Variants in ERAP2 observed in about 807,000 individuals in gnomAD.
The protein encoded by ERAP2 is leukocyte-derived arginine aminopeptidase.
A neutral mutation model predicts 111.1 loss-of-function variants in ERAP2; 118 were observed. That is an observed-to-expected ratio of 1.06 (90% CI 0.92 to 1.24). The LOEUF (loss-of-function observed/expected upper bound fraction) is 1.24, where lower values mean the gene tolerates loss of function less well. ERAP2 is among the 50% of genes most tolerant of loss of function. The pLI, the probability that ERAP2 is intolerant of heterozygous loss-of-function variation, is 0.00. For synonymous variants in ERAP2, 410 were observed against 401.2 expected (o/e 1.02, Z -0.26); for missense variants, 1,131 against 1,125.8 (o/e 1.00, Z -0.07).
intron 18 of ERAP2, among the ~76,000 whole-genome samples, chr5:96,916,601 C>T (rs1472057638): frequency 6.6e-6 from 1 of 151,170 alleles, no homozygotes; most frequent in African/African-American, 2.4e-5. Context: ...GTAGCTGGGA[C>T]TACAGGAGGC....
intron 15 of ERAP2, among the ~76,000 whole-genome samples, chr5:96,912,218 A>G (rs540397957): frequency 5.5e-4 from 84 of 151,656 alleles, no homozygotes; most frequent in Non-Finnish European, 9.4e-4. Flanking sequence ...AAGAAAAGAA[A>G]AAAATGCCTT....
chr5:96,909,069 C>G lies in ERAP2; in HGVS notation c.2121C>G (p.Tyr707Ter). ...GTCTGAGTTACTTGGAATCGTTTTA[C>G]CACATGATGGACAGAAGGAATATTT... ...LEGLSYLESF[Y>*]HMMDRRNISD... Residue 707 changes from tyrosine to a stop codon, truncating the protein, a stop_gained, in exon 14 of 19, where the codon TAC becomes TAG. Coordinates refer to ENST00000437043, the MANE Select transcript of ERAP2 (RefSeq NM_022350.5). LOFTEE classifies it high-confidence loss of function. The G allele has an allele frequency of 6.2e-7, 1 of 1,614,134 alleles. No individual in the cohort carries two copies. Among genetic ancestry groups the G allele is most frequent in the Non-Finnish European group, 8.5e-7 (1 of 1,179,990 alleles).
At position 96,912,664 on chromosome 5, in the gene ERAP2, G is replaced by A. The variant is rs1404201558; in HGVS notation, c.2382G>A (p.Val794=). 1 of 1,610,576 alleles carries A rather than the reference G, an allele frequency of 6.2e-7. No homozygotes were observed. The highest frequency in any genetic ancestry group is 1.7e-5 in the Admixed American group (1 of 59,146). The part of the protein sequence containing the change: ...LNIPTDVLKI[V]YSVGAQTTAG... Reference sequence around the variant, plus strand: ...TACCAACAGATGTTTTAAAGATTGTGTATTCTGTGGGTGCTCAGACAACAG... The same window carrying A: ...TACCAACAGATGTTTTAAAGATTGTATATTCTGTGGGTGCTCAGACAACAG... The change falls in exon 16 of 19, where the codon GTG becomes GTA. Residue 794 remains valine (V), a synonymous_variant. Transcript: ENST00000437043.
intron 5 of ERAP2, among the ~76,000 whole-genome samples, chr5:96,891,221 C>T (rs140660755): frequency 9.4e-4 from 142 of 151,862 alleles, no homozygotes; most frequent in African/African-American, 3.2e-3. Flanking sequence ...TCTTTTTTTC[C>T]AGCTAAACAG....
chr5:96,894,067 GTATT>G (rs765312793), intron 6 of ERAP2, among the ~76,000 whole-genome samples: 16 of 152,266 alleles, frequency 1.1e-4, no homozygotes, highest in Non-Finnish European at 2.2e-4. Flanking sequence ...CTGCTTTACT[GTATT>G]TATTTGTCTA....
At chr5:96,908,247 C>T (rs1472419905) in intron 13 of ERAP2, among the ~76,000 whole-genome samples, 1 of 152,184 alleles carries the variant, frequency 6.6e-6, no homozygotes, top group East Asian at 1.9e-4. Flanking sequence ...CTGTGTGCAA[C>T]ATAGCCTCCC....
rs746089915 is a variant in ERAP2 at position 96,886,740 on chromosome 5, T to A, written c.800T>A (p.Ile267Lys). The A allele has an allele frequency of 6.5e-7, 1 of 1,539,262 alleles. No homozygotes were observed. Among genetic ancestry groups the A allele is most frequent in the Admixed American group, 1.7e-5 (1 of 58,044 alleles). ...VKMSTYLVAYIVCDFHSLSGF... is the reference protein window; with the variant it reads ...VKMSTYLVAYKVCDFHSLSGF... ...ATGAGTACATACCTTGTAGCCTACA[T>A]AGTTTGTGATTTCCACTCTCTGAGT... is the stretch of plus-strand genomic sequence containing the variant. Residue 267 changes from isoleucine to lysine, a missense_variant, in exon 4 of 19, where the codon ATA becomes AAA. Coordinates refer to ENST00000437043, the MANE Select transcript of ERAP2 (RefSeq NM_022350.5).
intron 13 of ERAP2, among the ~76,000 whole-genome samples, chr5:96,907,965 T>G (rs1195947289): frequency 1.3e-5 from 2 of 152,160 alleles, no homozygotes; most frequent in African/African-American, 4.8e-5. Context: ...GTGAAATTTT[T>G]GAAAAAAATT....
intron 6 of ERAP2, among the ~76,000 whole-genome samples, chr5:96,893,487 G>A (rs1204591209): frequency 6.6e-6 from 1 of 152,106 alleles, no homozygotes; most frequent in Non-Finnish European, 1.5e-5. Context: ...CCCCACTGGC[G>A]CATTTTAGGT....
At chr5:96,887,473 G>A (rs1305315031) in intron 4 of ERAP2, among the ~76,000 whole-genome samples, 1 of 151,888 alleles carries the variant, frequency 6.6e-6, no homozygotes, top group Non-Finnish European at 1.5e-5. Context: ...GCTAATTTTT[G>A]TATATTTGTA....
chr5:96,883,770 C>T (rs1340964686), intron 2 of ERAP2, 22 bp from the exon 3 acceptor site: 2 of 1,600,434 alleles, frequency 1.2e-6, no homozygotes, highest in South Asian at 1.1e-5. Flanking sequence ...TGCATTTTGG[C>T]TGGGGGTGGG....
intron 15 of ERAP2, among the ~76,000 whole-genome samples, chr5:96,912,404 T>C (rs1271404771): frequency 6.6e-6 from 1 of 152,142 alleles, no homozygotes; most frequent in Non-Finnish European, 1.5e-5. Context: ...GGTTAAAATT[T>C]TATGCTTATT....
intron 17 of ERAP2, 71 bp downstream of exon 17, chr5:96,913,528 T>A: frequency 6.6e-7 from 1 of 1,524,606 alleles, no homozygotes; most frequent in Admixed American, 1.7e-5. Flanking sequence ...CCAAGTGTAA[T>A]CAAATGTTTC....
intron 14 of ERAP2, 42 bp downstream of exon 14, chr5:96,909,159 T>G: frequency 3.8e-6 from 6 of 1,585,932 alleles, no homozygotes; most frequent in Middle Eastern, 1.7e-4. Context: ...AAATACACAG[T>G]GTCTGGAGTA....
At chr5:96,900,750 C>T (rs1270832701) in intron 10 of ERAP2, among the ~76,000 whole-genome samples, 1 of 152,152 alleles carries the variant, frequency 6.6e-6, no homozygotes, top group Non-Finnish European at 1.5e-5. Flanking sequence ...AATCTCAGCT[C>T]ACTGCAACCT....
intron 3 of ERAP2, among the ~76,000 whole-genome samples, chr5:96,885,900 C>A (rs1440835651): frequency 6.6e-6 from 1 of 152,208 alleles, no homozygotes; most frequent in African/African-American, 2.4e-5. Flanking sequence ...AGACTGCAGG[C>A]TGAAAAGTTT....
chr5:96,915,801 A>T, intron 18 of ERAP2, 32 bp downstream of exon 18: 1 of 1,479,984 alleles, frequency 6.8e-7, no homozygotes, highest in Non-Finnish European at 9.3e-7. Flanking sequence ...ACAATTTCAA[A>T]ATAAATGTTC....
At chr5:96,881,491 T>A (rs1301073566) in intron 2 of ERAP2, 1 of 455,712 alleles carries the variant, frequency 2.2e-6, no homozygotes, top group Non-Finnish European at 4.4e-6. Flanking sequence ...GTAAGAGGAG[T>A]CTGGCTCAGT....
intron 11 of ERAP2, 62 bp from the exon 12 acceptor site, chr5:96,902,212 A>T: frequency 1.7e-6 from 2 of 1,156,084 alleles, no homozygotes; most frequent in Middle Eastern, 3.9e-4. Flanking sequence ...TCTGAGTCTG[A>T]CAATGTGAAA....
Sources: gnomAD v4.1 joint callset for allele counts (sites outside exome capture counted in the v4.1 genomes callset) on GRCh38, gnomAD v4.1.1 for gene constraint, MANE v1.5 for transcripts, NCBI Gene and HGNC (gene_info 2026-07-23, HGNC 2026-07-21) for gene names.